Variants in STAG1 observed in about 807,000 individuals in gnomAD.
STAG1 encodes the protein STAG1 cohesin complex component.
STAG1 carries 26 observed loss-of-function variants against 170.9 expected under a neutral mutation model. The observed-to-expected ratio is 0.15, with a 90% CI of 0.11 to 0.21. STAG1 has a LOEUF of 0.21. STAG1 is among the 10% of genes least tolerant of loss of function. The pLI is 1.00. For synonymous variants in STAG1, 514 were observed against 497.7 expected (o/e 1.03, Z -0.44); for missense variants, 964 against 1,509.5 (o/e 0.64, Z 5.99).
At chr3:136,667,645 GC>G (rs1449971226) in intron 1 of STAG1, among the ~76,000 whole-genome samples, 3 of 151,962 alleles carry the variant, frequency 2.0e-5, no homozygotes, top group African/African-American at 4.8e-5. Flanking sequence ...ACAGGCACAT[GC>G]CACCACGCCC....
intron 4 of STAG1, among the ~76,000 whole-genome samples, chr3:136,572,171 T>G (rs1937284452): frequency 6.6e-6 from 1 of 151,990 alleles, no homozygotes; most frequent in African/African-American, 2.4e-5. Context: ...GCCAAGATGG[T>G]GCCACTGCAC....
Position 136,467,023 on chromosome 3 carries a change from C to A in STAG1, c.1206-2035G>T, listed in dbSNP as rs200835848. ...AGGAAGCACTAAACATGGAAAGGAA[C>A]AACCAGTACCAGCCACTGCAAAAAC... On this transcript the variant is annotated intron_variant, in intron 12 of 33. Coordinates refer to ENST00000383202, the MANE Select transcript of STAG1 (RefSeq NM_005862.3). Among the ~76,000 whole-genome samples the A allele has an allele frequency of 4.6e-4, 70 of 152,286 alleles. No homozygotes were observed. In the East Asian group the frequency reaches 0.01, roughly 23 times the overall value.
chr3:136,664,051 C>T (rs1315357292), intron 1 of STAG1, among the ~76,000 whole-genome samples: 1 of 152,156 alleles, frequency 6.6e-6, no homozygotes, highest in Non-Finnish European at 1.5e-5. Context: ...GCCTCTCCTC[C>T]TCTTCTTGCT....
intron 4 of STAG1, among the ~76,000 whole-genome samples, chr3:136,590,825 TA>T (rs1276446275): frequency 6.6e-6 from 1 of 152,202 alleles, no homozygotes; most frequent in Non-Finnish European, 1.5e-5. Flanking sequence ...TCAAATTAAT[TA>T]ATCAGTTCTA....
chr3:136,715,877 C>T (rs1943528567), intron 1 of STAG1, among the ~76,000 whole-genome samples: 1 of 151,338 alleles, frequency 6.6e-6, no homozygotes, highest in Non-Finnish European at 1.5e-5. Flanking sequence ...GCAGGCAGAT[C>T]ACCTGAGGTG....
intron 4 of STAG1, among the ~76,000 whole-genome samples, chr3:136,584,912 G>A (rs1937733660): frequency 1.3e-5 from 2 of 152,146 alleles, no homozygotes; most frequent in Non-Finnish European, 2.9e-5. Context: ...CTTGTTTTAA[G>A]TAACTCAGGA....
intron 3 of STAG1, among the ~76,000 whole-genome samples, chr3:136,616,348 G>T (rs1435078156): frequency 6.6e-6 from 1 of 151,852 alleles, no homozygotes; most frequent in Non-Finnish European, 1.5e-5. Context: ...ATGAGGAAAT[G>T]TAACAATGAC....
intron 22 of STAG1, among the ~76,000 whole-genome samples, chr3:136,392,765 CAAAAAAAAA>C (rs71157377): frequency 1.4e-4 from 13 of 93,560 alleles, no homozygotes; most frequent in Non-Finnish European, 1.7e-4. Context: ...GGCTCCGTCT[CAAAAAAAAA>C]AAAAAAAAAA....
intron 9 of STAG1, 132 bp from the exon 10 acceptor site, chr3:136,477,544 A>C (rs2089783640): frequency 1.4e-6 from 1 of 702,208 alleles, no homozygotes; most frequent in Non-Finnish European, 2.2e-6. Flanking sequence ...CCTCCAACTT[A>C]AGTATCTTCT....
intron 2 of STAG1, 76 bp from the exon 3 acceptor site, chr3:136,623,324 C>T: frequency 7.6e-7 from 1 of 1,316,866 alleles, no homozygotes; most frequent in Non-Finnish European, 1.1e-6. Context: ...TTCCTTACCA[C>T]CTGCTATATG....
chr3:136,406,424 T>G (rs972073454), intron 21 of STAG1, among the ~76,000 whole-genome samples: 3 of 152,176 alleles, frequency 2.0e-5, no homozygotes, highest in African/African-American at 4.8e-5. Flanking sequence ...TATAAAAGGA[T>G]AGCATGAAGA....
chr3:136,747,174 G>A (rs1559987521), intron 1 of STAG1, among the ~76,000 whole-genome samples: 1 of 150,604 alleles, frequency 6.6e-6, no homozygotes, highest in Non-Finnish European at 1.5e-5. Flanking sequence ...TCAGGAGGCT[G>A]GGGCAGGAGA....
chr3:136,418,228 C>T (rs370284556), intron 20 of STAG1, among the ~76,000 whole-genome samples: 8 of 151,462 alleles, frequency 5.3e-5, no homozygotes, highest in African/African-American at 1.7e-4. Context: ...GGCATGGTGG[C>T]GCATGACTGT....
At chr3:136,572,620 A>AG (rs753197774) in intron 4 of STAG1, among the ~76,000 whole-genome samples, 9,407 of 148,672 alleles carry the variant, frequency 0.063, 370 homozygotes, top group Non-Finnish European at 0.088. Context: ...AAAAAAAAAA[A>AG]AAGTAAGCAA....
chr3:136,419,175 T>C (rs2087870406), intron 20 of STAG1, among the ~76,000 whole-genome samples: 1 of 152,250 alleles, frequency 6.6e-6, no homozygotes, highest in South Asian at 2.1e-4. Context: ...ATAGTCATTC[T>C]GACACTAGTA....
chr3:136,502,956 A>G (rs1933559113), intron 7 of STAG1, among the ~76,000 whole-genome samples, 177 bp from the exon 8 acceptor site: 1 of 152,224 alleles, frequency 6.6e-6, no homozygotes, highest in East Asian at 1.9e-4. Context: ...CTCATCTGCA[A>G]CATAATTTTC....
intron 10 of STAG1, among the ~76,000 whole-genome samples, chr3:136,476,964 T>C (rs986447039): frequency 2.6e-5 from 4 of 152,170 alleles, no homozygotes; most frequent in African/African-American, 4.8e-5. Flanking sequence ...GCTTAGTTTT[T>C]ATATATTAAG....
At chr3:136,541,571 CACACACACACA>C (rs1935908041) in intron 6 of STAG1, among the ~76,000 whole-genome samples, 1 of 151,556 alleles carries the variant, frequency 6.6e-6, no homozygotes, top group African/African-American at 2.4e-5. Flanking sequence ...CACACACACA[CACACACACACA>C]CACCAGGGGT....
At chr3:136,639,574 A>G (rs2107845226) in intron 1 of STAG1, among the ~76,000 whole-genome samples, 1 of 152,348 alleles carries the variant, frequency 6.6e-6, no homozygotes, top group Admixed American at 6.5e-5. Flanking sequence ...TATTCCAAAA[A>G]TGTCCTCTGG....
Sources: allele counts gnomAD v4.1 joint callset (sites outside exome capture counted in the v4.1 genomes callset), GRCh38; gene constraint gnomAD v4.1.1; transcripts MANE v1.5; gene names NCBI Gene and HGNC (gene_info 2026-07-23, HGNC 2026-07-21).